BICC1: variants seen among roughly 807,000 people sequenced by gnomAD.
BICC1 encodes BicC family RNA binding protein 1.
BICC1 carries 43 observed loss-of-function variants against 111.0 expected under a neutral mutation model. The ratio of observed to expected loss-of-function variants is 0.39; its 90% CI spans 0.30 to 0.50. The LOEUF is 0.50. Ranked by LOEUF, BICC1 falls within the 20% of genes least tolerant of loss-of-function variation. BICC1 has a pLI of 0.88. For missense variants in BICC1, 1,091 were observed against 1,203.2 expected (o/e 0.91, Z 1.38); for synonymous variants, 467 against 434.4 (o/e 1.07, Z -0.93).
chr10:58,717,159 A>G (rs1840771320), intron 3 of BICC1, among the ~76,000 whole-genome samples: 1 of 152,224 alleles, frequency 6.6e-6, no homozygotes. Context: ...AAGATTCTAA[A>G]ATGCATGTTT....
chr10:58,613,557 A>G lies in BICC1; in HGVS notation c.191-7298A>G, dbSNP rs553564263. On this transcript the variant is annotated intron_variant, in intron 1 of 20. Transcript: ENST00000373886. ...GTCAATATATTATCATATCTCATAT[A>G]TATTTTTTTCTTCCGATCCAGCTCT... Among the ~76,000 whole-genome samples, 94 of 152,314 alleles carry G rather than the reference A, an allele frequency of 6.2e-4. 1 individual carries two copies. In the South Asian group the frequency reaches 0.016, roughly 26 times the overall value.
intron 1 of BICC1, among the ~76,000 whole-genome samples, chr10:58,560,306 A>T (rs1395296308): frequency 6.6e-6 from 1 of 152,014 alleles, no homozygotes; most frequent in African/African-American, 2.4e-5. Flanking sequence ...TGTATGTGTC[A>T]AGGGATTTAT....
At chr10:58,645,973 A>T (rs1838257275) in intron 2 of BICC1, among the ~76,000 whole-genome samples, 1 of 152,112 alleles carries the variant, frequency 6.6e-6, no homozygotes, top group Non-Finnish European at 1.5e-5. Flanking sequence ...TCAGTCCTTT[A>T]CTTAAATAAC....
At chr10:58,630,663 G>GAATTCAT (rs1449208246) in intron 2 of BICC1, among the ~76,000 whole-genome samples, 1 of 152,064 alleles carries the variant, frequency 6.6e-6, no homozygotes, top group African/African-American at 2.4e-5. Flanking sequence ...AACTCTACAA[G>GAATTCAT]GCCTAAATCA....
intron 3 of BICC1, among the ~76,000 whole-genome samples, chr10:58,750,370 G>T (rs553934728): frequency 2.6e-4 from 39 of 152,164 alleles, no homozygotes; most frequent in African/African-American, 8.7e-4. Flanking sequence ...AATCTAAAAT[G>T]CCATTGATTG....
intron 1 of BICC1, among the ~76,000 whole-genome samples, chr10:58,545,480 T>C (rs1649067): frequency 0.46 from 69,858 of 151,886 alleles, 17,121 homozygotes; most frequent in Admixed American, 0.62. Flanking sequence ...TGAGTTTGTG[T>C]AATTTGTAGT....
At chr10:58,810,047 T>C (rs1219184435) in intron 17 of BICC1, among the ~76,000 whole-genome samples, 2 of 152,248 alleles carry the variant, frequency 1.3e-5, no homozygotes, top group Non-Finnish European at 1.5e-5. Context: ...GGTATCTATT[T>C]GTGTTTTCAG....
At chr10:58,692,094 C>A (rs974164946) in intron 2 of BICC1, among the ~76,000 whole-genome samples, 8 of 152,028 alleles carry the variant, frequency 5.3e-5, no homozygotes, top group African/African-American at 1.7e-4. Context: ...TTGTTGGCCA[C>A]CAGGAGCCCA....
intron 3 of BICC1, among the ~76,000 whole-genome samples, chr10:58,766,786 C>T (rs1483563648): frequency 6.6e-6 from 1 of 152,082 alleles, no homozygotes; most frequent in African/African-American, 2.4e-5. Context: ...AGGAGAGACC[C>T]TCTTTGCCCA....
chr10:58,800,858 G>A, intron 13 of BICC1, 32 bp from the exon 14 acceptor site: 3 of 1,563,608 alleles, frequency 1.9e-6, no homozygotes, highest in Non-Finnish European at 2.6e-6. Context: ...TGTTGTTTAG[G>A]TGTTTCACTT....
At position 58,829,321 on chromosome 10, in the gene BICC1, T is replaced by C. The variant is rs912242988; in HGVS notation, c.*430T>C. On this transcript the variant is annotated 3_prime_UTR_variant, in exon 21 of 21. Coordinates refer to ENST00000373886, the MANE Select transcript of BICC1 (RefSeq NM_001080512.3). ...TGGGTATTTGGGGATTTTTAAAAAATAATCAAAGTGGAATTTTCTGGTACT... is the reference window on the plus strand; with the variant it reads ...TGGGTATTTGGGGATTTTTAAAAAACAATCAAAGTGGAATTTTCTGGTACT... 1 of 149,514 alleles carries C rather than the reference T, an allele frequency of 6.7e-6. No homozygotes were observed. The highest frequency in any genetic ancestry group is 1.5e-5 in the Non-Finnish European group (1 of 67,918). The allele number at this position is 149,514 out of a possible 1,614,324, so 9.3% of individuals were successfully genotyped here.
chr10:58,819,739 T>C (rs1844200187), intron 19 of BICC1, among the ~76,000 whole-genome samples: 1 of 152,154 alleles, frequency 6.6e-6, no homozygotes, highest in Non-Finnish European at 1.5e-5. Context: ...TCTCTTTGGC[T>C]TCAGAATCTG....
At chr10:58,623,671 T>C (rs757813365) in intron 2 of BICC1, among the ~76,000 whole-genome samples, 14 of 152,144 alleles carry the variant, frequency 9.2e-5, no homozygotes, top group Non-Finnish European at 1.9e-4. Context: ...CTAAGACATA[T>C]CTGGATTGTC....
intron 1 of BICC1, among the ~76,000 whole-genome samples, chr10:58,560,772 T>A (rs1051916763): frequency 6.6e-6 from 1 of 152,050 alleles, no homozygotes; most frequent in Non-Finnish European, 1.5e-5. Flanking sequence ...TTTAATAATT[T>A]TTTTTGTTTT....
chr10:58,795,818 A>G (rs11006263), intron 9 of BICC1, among the ~76,000 whole-genome samples: 9,951 of 152,218 alleles, frequency 0.065, 333 homozygotes, highest in African/African-American at 0.087. Context: ...CTCAAGGTCT[A>G]TTAGCTAACT....
At position 58,668,272 on chromosome 10, in the gene BICC1, CTT is replaced by C. The variant is rs532251200; in HGVS notation, c.238-33799_238-33798del. Among the ~76,000 whole-genome samples, 33 of 152,204 alleles carry C rather than the reference CTT, an allele frequency of 2.2e-4. No homozygotes were observed. The East Asian group carries it at 6.2e-3, about 28-fold the overall frequency. ...TTTATACAAAAAGTAGTTTTAAAAA[CTT>C]TTCCTCTCCATTTCTTTTATGAATT... On this transcript the variant is annotated intron_variant, in intron 2 of 20. Coordinates refer to ENST00000373886, the MANE Select transcript of BICC1 (RefSeq NM_001080512.3).
At chr10:58,567,967 C>T (rs564509500) in intron 1 of BICC1, among the ~76,000 whole-genome samples, 2 of 152,122 alleles carry the variant, frequency 1.3e-5, no homozygotes, top group African/African-American at 4.8e-5. Flanking sequence ...TCAAAATGCT[C>T]AGGGGACAAT....
chr10:58,554,053 T>G (rs916545607), intron 1 of BICC1, among the ~76,000 whole-genome samples: 2 of 152,218 alleles, frequency 1.3e-5, no homozygotes, highest in African/African-American at 4.8e-5. Flanking sequence ...GTTTTTGTTA[T>G]GTTTATTTTA....
At chr10:58,793,760 C>A in intron 9 of BICC1, 145 bp downstream of exon 9, 1 of 910,014 alleles carries the variant, frequency 1.1e-6, no homozygotes, top group Non-Finnish European at 1.6e-6. Context: ...GCTCCAAAAG[C>A]TGAATCTTTT....
Sources: allele counts gnomAD v4.1 joint callset (sites outside exome capture counted in the v4.1 genomes callset), GRCh38; gene constraint gnomAD v4.1.1; transcripts MANE v1.5; gene names NCBI Gene and HGNC (gene_info 2026-07-23, HGNC 2026-07-21).